TNR: variants seen among roughly 807,000 people sequenced by gnomAD.
The protein encoded by TNR is tenascin-R.
TNR carries 45 observed loss-of-function variants against 150.4 expected under a neutral mutation model. That is an observed-to-expected ratio of 0.30 (90% CI 0.24 to 0.38). The LOEUF is 0.38. TNR is among the 10% of genes least tolerant of loss of function. The pLI is 1.00. For missense variants in TNR, 1,544 were observed against 1,759.1 expected, an observed-to-expected ratio of 0.88 and a Z score of 2.19; for synonymous variants, 687 against 678.4, an observed-to-expected ratio of 1.01 and a Z score of -0.20.
At chr1:175,655,294 T>C (rs971913189) in intron 1 of TNR, among the ~76,000 whole-genome samples, 4 of 152,238 alleles carry the variant, frequency 2.6e-5, no homozygotes, top group African/African-American at 9.6e-5. Context: ...CTTCCGAAAG[T>C]TAATTCGTTA....
intron 1 of TNR, among the ~76,000 whole-genome samples, chr1:175,620,684 G>C (rs891580942): frequency 1.8e-4 from 27 of 152,162 alleles, no homozygotes; most frequent in Admixed American, 1.6e-3. Flanking sequence ...ATGCGCTCCT[G>C]AATTTAGTCA....
chr1:175,527,329 C>G (rs6664381), intron 2 of TNR, among the ~76,000 whole-genome samples: 1 of 151,934 alleles, frequency 6.6e-6, no homozygotes, highest in African/African-American at 2.4e-5. Flanking sequence ...CAAGTGCCCC[C>G]AAGGAAGGCA....
At chr1:175,674,596 C>A (rs1178963119) in intron 1 of TNR, among the ~76,000 whole-genome samples, 40 of 152,128 alleles carry the variant, frequency 2.6e-4, no homozygotes, top group Admixed American at 2.6e-3. Context: ...ATGTTGGAGA[C>A]CAGGGTGGCC....
intron 1 of TNR, among the ~76,000 whole-genome samples, chr1:175,577,269 G>T (rs935907192): frequency 2.6e-5 from 4 of 152,174 alleles, no homozygotes; most frequent in African/African-American, 9.7e-5. Flanking sequence ...CCCACAGTTT[G>T]TTGGGCAGGT....
chr1:175,584,437 T>C (rs1662485881), intron 1 of TNR, among the ~76,000 whole-genome samples: 1 of 152,204 alleles, frequency 6.6e-6, no homozygotes, highest in Non-Finnish European at 1.5e-5. Flanking sequence ...ACCCTGATTC[T>C]GGACTTGGAC....
At chr1:175,437,094 A>G (rs576269247) in intron 2 of TNR, among the ~76,000 whole-genome samples, 159 of 152,320 alleles carry the variant, frequency 1.0e-3, no homozygotes, top group Non-Finnish European at 1.4e-3. Context: ...GCACCACACC[A>G]CACCAATTCC....
At chr1:175,508,934 A>G (rs1571539925) in intron 2 of TNR, among the ~76,000 whole-genome samples, 1 of 152,206 alleles carries the variant, frequency 6.6e-6, no homozygotes, top group East Asian at 1.9e-4. Flanking sequence ...CACCATGTGA[A>G]TGAGCTCCTG....
Position 175,330,101 on chromosome 1 carries a change from G to A in TNR, c.3766C>T (p.Arg1256Cys), listed in dbSNP as rs144730675. ...VEDSRNLYKLRIGSYNGTAGD... is the reference protein window; with the variant it reads ...VEDSRNLYKLCIGSYNGTAGD... Reference sequence around the variant, plus strand: ...GCAGTGCCGTTGTAGCTTCCTATGCGGAGTTTGTACAGGTTTCTGCTGTCC... The same window carrying A: ...GCAGTGCCGTTGTAGCTTCCTATGCAGAGTTTGTACAGGTTTCTGCTGTCC... The change falls in exon 21 of 23, where the codon CGC (arginine) becomes TGC (cysteine). Residue 1256 changes from arginine to cysteine, a missense_variant. Arg to Cys is a radical substitution (Grantham distance 180). Around this residue, in one of 2 missense-constraint regions of TNR, gnomAD observed 290 missense variants for 429.7 expected, o/e 0.67. Coordinates refer to ENST00000367674, the MANE Select transcript of TNR (RefSeq NM_003285.3). 35 of 1,603,624 alleles carry A rather than the reference G, an allele frequency of 2.2e-5. No individual in the cohort carries two copies. The highest frequency in any genetic ancestry group is 1.3e-4 in the East Asian group (6 of 44,568).
At chr1:175,477,383 T>C (rs535724414) in intron 2 of TNR, among the ~76,000 whole-genome samples, 1 of 152,360 alleles carries the variant, frequency 6.6e-6, no homozygotes, top group East Asian at 1.9e-4. Context: ...AAGAGCTTCC[T>C]TCCTATAACC....
intron 1 of TNR, among the ~76,000 whole-genome samples, chr1:175,548,998 T>C (rs1571592490): frequency 6.6e-6 from 1 of 152,222 alleles, no homozygotes; most frequent in Non-Finnish European, 1.5e-5. Flanking sequence ...CTGTCTCTCA[T>C]TGGTAATATC....
intron 1 of TNR, among the ~76,000 whole-genome samples, chr1:175,709,215 C>T (rs1018448306): frequency 9.9e-5 from 15 of 152,052 alleles, no homozygotes; most frequent in African/African-American, 3.6e-4. Context: ...AAAGGACTCA[C>T]AATGTGTGGA....
At chr1:175,333,903 G>A (rs1380102868) in intron 20 of TNR, among the ~76,000 whole-genome samples, 1 of 152,218 alleles carries the variant, frequency 6.6e-6, no homozygotes, top group Non-Finnish European at 1.5e-5. Context: ...GAGGACAGTT[G>A]GCTAGGAGTG....
At chr1:175,525,457 C>G (rs765129495) in intron 2 of TNR, among the ~76,000 whole-genome samples, 1 of 152,162 alleles carries the variant, frequency 6.6e-6, no homozygotes, top group Non-Finnish European at 1.5e-5. Flanking sequence ...AGTTTTACCA[C>G]GCAGGAAAGC....
At chr1:175,611,089 C>T (rs538689361) in intron 1 of TNR, among the ~76,000 whole-genome samples, 1 of 152,282 alleles carries the variant, frequency 6.6e-6, no homozygotes, top group African/African-American at 2.4e-5. Context: ...CCCCCTTGCC[C>T]TTTGCTTGGT....
chr1:175,549,350 T>C (rs1306000800), intron 1 of TNR, among the ~76,000 whole-genome samples: 6 of 152,220 alleles, frequency 3.9e-5, no homozygotes, highest in Non-Finnish European at 7.3e-5. Context: ...TAGCAATGCA[T>C]TGATGAGGGT....
chr1:175,708,379 T>C (rs1294624648), intron 1 of TNR, among the ~76,000 whole-genome samples: 1 of 152,202 alleles, frequency 6.6e-6, no homozygotes, highest in Non-Finnish European at 1.5e-5. Context: ...AAACCAAGAC[T>C]CTTCCTTGTT....
intron 1 of TNR, among the ~76,000 whole-genome samples, chr1:175,701,114 C>T (rs1189928712): frequency 6.6e-6 from 1 of 152,218 alleles, no homozygotes; most frequent in African/African-American, 2.4e-5. Flanking sequence ...ATGCCTGCTG[C>T]CAAAACACTG....
At chr1:175,634,033 G>A (rs924409539) in intron 1 of TNR, among the ~76,000 whole-genome samples, 5 of 149,338 alleles carry the variant, frequency 3.3e-5, no homozygotes, top group Admixed American at 2.7e-4. Context: ...TGATGATAAG[G>A]CCAACCCCAT....
chr1:175,494,949 G>A (rs548825559), intron 2 of TNR, among the ~76,000 whole-genome samples: 4 of 152,258 alleles, frequency 2.6e-5, no homozygotes, highest in South Asian at 2.1e-4. Context: ...AGTCGAAAAC[G>A]GGTCGGTCAT....
Sources: allele counts gnomAD v4.1 joint callset (sites outside exome capture counted in the v4.1 genomes callset), GRCh38; gene constraint gnomAD v4.1.1; regional missense constraint gnomAD v4.1.1; transcripts MANE v1.5; gene names NCBI Gene and HGNC (gene_info 2026-07-23, HGNC 2026-07-21).